MAP4K1: variants seen among roughly 807,000 people sequenced by gnomAD.
MAP4K1 encodes the protein mitogen-activated protein kinase kinase kinase kinase 1.
Under a neutral mutation model 122.8 loss-of-function variants are expected in MAP4K1, and 35 were observed. That is an observed-to-expected ratio of 0.29 (90% confidence interval 0.22 to 0.38). The LOEUF is 0.38. MAP4K1 is among the 10% of genes least tolerant of loss of function. The pLI is 1.00. For missense variants in MAP4K1, 791 were observed against 1,072.6 expected, an observed-to-expected ratio of 0.74 and a Z score of 3.67; for synonymous variants, 412 against 421.3, an observed-to-expected ratio of 0.98 and a Z score of 0.27.
chr19:38,597,653 C>T lies in MAP4K1; in HGVS notation c.1670-59G>A. ...AGTTATAGGATCCCATATACCACTTCCTTTCCTCCATCCCTTCCCTCAGCC... is the reference window on the plus strand; with the variant it reads ...AGTTATAGGATCCCATATACCACTTTCTTTCCTCCATCCCTTCCCTCAGCC... On this transcript the variant is annotated intron_variant, in intron 22 of 30. Coordinates refer to ENST00000396857, the MANE Select transcript of MAP4K1 (RefSeq NM_001042600.3). The surrounding 1 kb of genome is among the most constrained non-coding windows in gnomAD (Gnocchi z 4.6). 1.0e-5 allele frequency: 12 copies of T among 1,154,176 alleles called. No individual in the cohort carries two copies. The highest frequency in any genetic ancestry group is 1.5e-5 in the Non-Finnish European group (12 of 803,536). The allele number at this position is 1,154,176 out of a possible 1,614,324, so 71.5% of individuals were successfully genotyped here. A position where few individuals can be genotyped will look rare whatever the true frequency, so the allele number is the denominator to read the frequency against.
In MAP4K1 at chr19:38,617,010, G is replaced by A. The variant is rs909765092; in HGVS notation, c.248+344C>T. ...CACCTGTAATCCCAGCACTTTCGGA[G>A]GCCGAGGCGAGTGGATCACAAGGTC... On this transcript the variant is annotated intron_variant, in intron 3 of 30. Coordinates refer to ENST00000396857, the MANE Select transcript of MAP4K1 (RefSeq NM_001042600.3). The surrounding 1 kb of genome is among the most constrained non-coding windows in gnomAD (Gnocchi z 4.1). 2.0e-5 allele frequency among the ~76,000 whole-genome samples: 3 copies of A among 152,076 alleles called. No individual in the cohort carries two copies. Among genetic ancestry groups the A allele is most frequent in the Non-Finnish European group, 4.4e-5 (3 of 68,028 alleles).
In MAP4K1 at chr19:38,595,906, G is replaced by A. The variant is rs375343233; in HGVS notation, c.2179+33C>T. On this transcript the variant is annotated intron_variant, in intron 27 of 30. Coordinates refer to ENST00000396857, the MANE Select transcript of MAP4K1 (RefSeq NM_001042600.3). ...AGATCTAGGGACTGCAGCTGGAGGGGTGGGGAGGAAGGGGAGGAAGGAGGG... is the reference window on the plus strand; with the variant it reads ...AGATCTAGGGACTGCAGCTGGAGGGATGGGGAGGAAGGGGAGGAAGGAGGG... 7.5e-6 allele frequency: 12 copies of A among 1,608,750 alleles called. No homozygotes were observed. The African/African-American group carries it at 9.4e-5, about 13-fold the overall frequency.
intron 20 of MAP4K1, among the ~76,000 whole-genome samples, chr19:38,601,085 C>A (rs186288016): frequency 2.0e-5 from 3 of 150,736 alleles, no homozygotes; most frequent in Non-Finnish European, 3.0e-5. Flanking sequence ...GGATTACAGG[C>A]GTGAGCCACC....
In MAP4K1 at chr19:38,601,362, C is replaced by G. The variant is rs1374281861; in HGVS notation, c.1531+79G>C. 1.3e-5 allele frequency: 17 copies of G among 1,330,262 alleles called. No homozygotes were observed. In the South Asian group the frequency reaches 2.0e-4, roughly 16 times the overall value. 82.4% of individuals were successfully genotyped at this position (1,330,262 alleles called of 1,614,324 possible). Reference sequence around the variant, plus strand: ...GCTCCTCCCCGTCCCTGCCTTTGTGCCTTCCTTAGGCTTCTCCCCACCCCT... The same window carrying G: ...GCTCCTCCCCGTCCCTGCCTTTGTGGCTTCCTTAGGCTTCTCCCCACCCCT... On this transcript the variant is annotated intron_variant, in intron 20 of 30. Transcript: ENST00000396857.
chr19:38,594,862 A>G (rs1599690763), intron 29 of MAP4K1, among the ~76,000 whole-genome samples: 1 of 151,948 alleles, frequency 6.6e-6, no homozygotes, highest in East Asian at 1.9e-4. Context: ...AATTCTTTGA[A>G]CCTGGGAGGC....
chr19:38,611,750 A>G (rs2055110080), intron 9 of MAP4K1, among the ~76,000 whole-genome samples: 1 of 152,174 alleles, frequency 6.6e-6, no homozygotes, highest in Non-Finnish European at 1.5e-5. Context: ...GCTGCACTCC[A>G]GCCTGGGTGA....
chr19:38,596,608 A>G (rs1250292263), intron 25 of MAP4K1, 122 bp from the exon 26 acceptor site: 11 of 854,782 alleles, frequency 1.3e-5, no homozygotes, highest in Admixed American at 2.9e-5. Flanking sequence ...GATGCCGTCT[A>G]GAAATGTCAG....
chr19:38,608,799 C>CAAAAAAAAAAAAAAAAAAAAAAAAA (rs1031744033), intron 13 of MAP4K1, among the ~76,000 whole-genome samples: 1 of 9,550 alleles, frequency 1.0e-4, no homozygotes, highest in African/African-American at 3.6e-4. Flanking sequence ...AACTCCGTCT[C>CAAAAAAAAAAAAAAAAAAAAAAAAA]AAAAAAAAAA....
chr19:38,616,831 G>A (rs892843305), intron 3 of MAP4K1, among the ~76,000 whole-genome samples: 1 of 152,088 alleles, frequency 6.6e-6, no homozygotes, highest in African/African-American at 2.4e-5. Flanking sequence ...TAGATTAGAG[G>A]CTGCTCTGGT....
Position 38,617,672 on chromosome 19 carries a change from T to C in MAP4K1, c.100-47A>G, listed in dbSNP as rs763607466. The C allele has an allele frequency of 6.2e-7, 1 of 1,610,082 alleles. No individual in the cohort carries two copies. The highest frequency in any genetic ancestry group is 8.5e-7 in the Non-Finnish European group (1 of 1,176,598). On this transcript the variant is annotated intron_variant, in intron 1 of 30. Coordinates refer to ENST00000396857, the MANE Select transcript of MAP4K1 (RefSeq NM_001042600.3). This position sits in a 1 kb window ranked among gnomAD's most constrained non-coding sequence, Gnocchi z 4.1. ...GTCAGGCAGGCTCCATTTGCCAGAGTCCCTCCACAGCATCCCTGAGTCAAG... is the reference window on the plus strand; with the variant it reads ...GTCAGGCAGGCTCCATTTGCCAGAGCCCCTCCACAGCATCCCTGAGTCAAG...
chr19:38,592,108 C>CA (rs1280071557), intron 30 of MAP4K1, among the ~76,000 whole-genome samples: 3 of 151,814 alleles, frequency 2.0e-5, no homozygotes, highest in East Asian at 3.9e-4. Context: ...CCCGTCTCTA[C>CA]AAAAAAATTT....
chr19:38,600,218 G>T, intron 20 of MAP4K1, 65 bp from the exon 21 acceptor site: 2 of 1,348,216 alleles, frequency 1.5e-6, no homozygotes, highest in Non-Finnish European at 2.1e-6. Flanking sequence ...ATCCCCACCT[G>T]TCTGACCTCA....
chr19:38,602,652 A>G (rs1043175034), intron 19 of MAP4K1, among the ~76,000 whole-genome samples: 1 of 138,034 alleles, frequency 7.2e-6, no homozygotes, highest in African/African-American at 2.8e-5. Flanking sequence ...ATACATATAT[A>G]CATATATACA....
chr19:38,590,958 TA>T (rs1187048723), intron 30 of MAP4K1, among the ~76,000 whole-genome samples: 2 of 146,274 alleles, frequency 1.4e-5, no homozygotes, highest in Admixed American at 7.0e-5. Context: ...AAATATTCAT[TA>T]AAAAATCACA....
intron 8 of MAP4K1, among the ~76,000 whole-genome samples, chr19:38,613,331 G>GAA (rs74176452): frequency 5.7e-4 from 60 of 104,720 alleles, no homozygotes; most frequent in Non-Finnish European, 9.4e-4. Context: ...GAACGAAAAA[G>GAA]AAAAAAAAAA....
rs567944058 is a variant in MAP4K1, at chr19:38,611,730, C to T, written c.666-425G>A. ...CGGCATTCAAGGCTGAAGTGAACTA[C>T]GATCGTGCCGCTGCACTCCAGCCTG... On this transcript the variant is annotated intron_variant, in intron 9 of 30. Transcript: ENST00000396857. 1.6e-4 allele frequency among the ~76,000 whole-genome samples: 24 copies of T among 152,248 alleles called. 1 individual carries two copies. The highest frequency in any genetic ancestry group is 1.5e-3 in the South Asian group (7 of 4,824).
At chr19:38,602,431 C>T (rs1481052691) in intron 19 of MAP4K1, among the ~76,000 whole-genome samples, 3 of 142,996 alleles carry the variant, frequency 2.1e-5, no homozygotes, top group African/African-American at 2.5e-5. Flanking sequence ...CACACACACA[C>T]ATATATATAC....
intron 29 of MAP4K1, 27 bp from the exon 30 acceptor site, chr19:38,593,364 T>A: frequency 6.3e-7 from 1 of 1,588,802 alleles, no homozygotes; most frequent in Non-Finnish European, 8.6e-7. Flanking sequence ...TGTGTCTCAG[T>A]GCCTGGAAGA....
chr19:38,597,246 T>C lies in MAP4K1; in HGVS notation c.1837+80A>G. 2 of 1,602,234 alleles carry C rather than the reference T, an allele frequency of 1.2e-6. No homozygotes were observed. Among genetic ancestry groups the C allele is most frequent in the Non-Finnish European group, 1.7e-6 (2 of 1,170,062 alleles). On this transcript the variant is annotated intron_variant, in intron 24 of 30. Coordinates refer to ENST00000396857, the MANE Select transcript of MAP4K1 (RefSeq NM_001042600.3). The surrounding 1 kb of genome is among the most constrained non-coding windows in gnomAD (Gnocchi z 4.6). ...GACACATTGCCTTAACTCTGTAACC[T>C]TCTCAGGTGGATGCAGTTCAAGCCC...
Sources: allele counts gnomAD v4.1 joint callset (sites outside exome capture counted in the v4.1 genomes callset), GRCh38; gene constraint gnomAD v4.1.1; non-coding constraint Gnocchi (gnomAD v3.1); transcripts MANE v1.5; gene names NCBI Gene and HGNC (gene_info 2026-07-23, HGNC 2026-07-21).